KCNQ3: variants seen among roughly 807,000 people sequenced by gnomAD.
The protein encoded by KCNQ3 is potassium voltage-gated channel subfamily Q member 3, also known as potassium voltage-gated channel subfamily KQT member 3.
KCNQ3 carries 30 observed loss-of-function variants against 92.5 expected under a neutral mutation model. That is an observed-to-expected ratio of 0.32 (90% confidence interval 0.24 to 0.44). The LOEUF (loss-of-function observed/expected upper bound fraction) is 0.44. Among genes scored for constraint, KCNQ3 ranks in the 20% least tolerant of loss-of-function variants. The pLI, the probability that KCNQ3 is intolerant of heterozygous loss-of-function variation, is 1.00. For missense variants in KCNQ3, 913 were observed against 1,140.3 expected, an observed-to-expected ratio of 0.80 and a Z score of 2.87; for synonymous variants, 450 against 468.8, an observed-to-expected ratio of 0.96 and a Z score of 0.52.
chr8:132,301,691 C>T (rs1345093770), intron 1 of KCNQ3, among the ~76,000 whole-genome samples: 1 of 151,888 alleles, frequency 6.6e-6, no homozygotes, highest in Non-Finnish European at 1.5e-5. Context: ...CAGATTCTGC[C>T]CTGAGAATTG....
intron 8 of KCNQ3, 63 bp from the exon 9 acceptor site, chr8:132,163,557 C>T (rs1014424412): frequency 1.8e-5 from 24 of 1,311,944 alleles, no homozygotes; most frequent in African/African-American, 1.6e-4. Context: ...TATCCTTCCT[C>T]GAAAGATTGC....
chr8:132,251,963 T>A (rs1815425757), intron 1 of KCNQ3, among the ~76,000 whole-genome samples: 1 of 152,244 alleles, frequency 6.6e-6, no homozygotes, highest in African/African-American at 2.4e-5. Context: ...TAGTCCTTTC[T>A]CATCTTCTGG....
chr8:132,136,770 G>A (rs1283315908), intron 12 of KCNQ3, among the ~76,000 whole-genome samples: 1 of 151,492 alleles, frequency 6.6e-6, no homozygotes, highest in African/African-American at 2.4e-5. Flanking sequence ...ATGTATTATT[G>A]GTAATTATAT....
chr8:132,273,773 A>G (rs1816238764), intron 1 of KCNQ3, among the ~76,000 whole-genome samples: 1 of 152,168 alleles, frequency 6.6e-6, no homozygotes, highest in Non-Finnish European at 1.5e-5. Context: ...TACTCTAAAT[A>G]AACTCTCTCA....
intron 9 of KCNQ3, among the ~76,000 whole-genome samples, chr8:132,143,119 C>T (rs756488498): frequency 4.6e-5 from 7 of 152,192 alleles, no homozygotes; most frequent in Non-Finnish European, 1.0e-4. Context: ...GATCTGTTCT[C>T]TCTCACCCAG....
chr8:132,316,072 TGA>T (rs1448737749), intron 1 of KCNQ3, among the ~76,000 whole-genome samples: 3 of 152,204 alleles, frequency 2.0e-5, no homozygotes, highest in Non-Finnish European at 4.4e-5. Context: ...TTTTAACGTG[TGA>T]GTTACTGTTG....
chr8:132,219,110 T>C (rs1814134357), intron 1 of KCNQ3, among the ~76,000 whole-genome samples: 1 of 152,162 alleles, frequency 6.6e-6, no homozygotes, highest in South Asian at 2.1e-4. Flanking sequence ...TACCGGCAAA[T>C]GGAGCATCTC....
At chr8:132,186,489 T>A in intron 1 of KCNQ3, 2 of 382,446 alleles carry the variant, frequency 5.2e-6, no homozygotes, top group Non-Finnish European at 5.1e-6. Context: ...AGGACATTGC[T>A]GAAAGTCCAA....
chr8:132,237,359 TA>T (rs1814850740), intron 1 of KCNQ3, among the ~76,000 whole-genome samples: 1 of 152,208 alleles, frequency 6.6e-6, no homozygotes, highest in Admixed American at 6.5e-5. Flanking sequence ...GCTGTGCATA[TA>T]ATATGTCAGT....
intron 1 of KCNQ3, among the ~76,000 whole-genome samples, chr8:132,479,438 CG>C (rs1380664010): frequency 3.9e-5 from 6 of 152,106 alleles, no homozygotes; most frequent in Non-Finnish European, 8.8e-5. Context: ...AAAGAGTCCC[CG>C]GCCCCCTCAC....
At chr8:132,471,977 G>A (rs1352122951) in intron 1 of KCNQ3, among the ~76,000 whole-genome samples, 2 of 152,024 alleles carry the variant, frequency 1.3e-5, no homozygotes, top group Non-Finnish European at 2.9e-5. Context: ...CTTAAAAGAA[G>A]ACATATATAT....
At chr8:132,296,514 T>C (rs1410829936) in intron 1 of KCNQ3, among the ~76,000 whole-genome samples, 2 of 152,146 alleles carry the variant, frequency 1.3e-5, no homozygotes, top group African/African-American at 4.8e-5. Context: ...GCGTTAGGTA[T>C]ATCTCCTAAT....
intron 1 of KCNQ3, among the ~76,000 whole-genome samples, chr8:132,247,044 GTCTC>G (rs964876265): frequency 5.4e-4 from 83 of 152,306 alleles, no homozygotes; most frequent in African/African-American, 1.8e-3. Context: ...ACACCTGATA[GTCTC>G]TCTATCAAAG....
chr8:132,189,352 A>T (rs1348336787), intron 1 of KCNQ3, among the ~76,000 whole-genome samples: 1 of 152,196 alleles, frequency 6.6e-6, no homozygotes, highest in African/African-American at 2.4e-5. Context: ...ACAACCCGTT[A>T]TCATCTTGTA....
chr8:132,388,637 G>T (rs3957207), intron 1 of KCNQ3, among the ~76,000 whole-genome samples: 4,244 of 152,174 alleles, frequency 0.028, 77 homozygotes, highest in Non-Finnish European at 0.045. Context: ...AGGGGTTAAA[G>T]TTTCATTCAT....
chr8:132,167,278 G>A (rs189931140), intron 8 of KCNQ3, among the ~76,000 whole-genome samples: 7 of 152,182 alleles, frequency 4.6e-5, no homozygotes, highest in South Asian at 2.1e-4. Flanking sequence ...AGGAGAAGAC[G>A]GAACCAGGAG....
At chr8:132,144,138 G>A (rs1022974108) in intron 9 of KCNQ3, among the ~76,000 whole-genome samples, 16 of 152,148 alleles carry the variant, frequency 1.1e-4, no homozygotes, top group African/African-American at 3.4e-4. Context: ...AACCTCAAAC[G>A]GTCTGGATTG....
chr8:132,243,715 T>C (rs770709986), intron 1 of KCNQ3, among the ~76,000 whole-genome samples: 1 of 152,156 alleles, frequency 6.6e-6, no homozygotes, highest in Non-Finnish European at 1.5e-5. Context: ...CAACCTCAAT[T>C]TTGTAGCAAG....
At chr8:132,193,421 G>T (rs965988116) in intron 1 of KCNQ3, among the ~76,000 whole-genome samples, 3 of 152,224 alleles carry the variant, frequency 2.0e-5, no homozygotes, top group Non-Finnish European at 4.4e-5. Context: ...AGGAACCAGT[G>T]CGAGCTGTCC....
Sources: gnomAD v4.1 joint callset for allele counts (sites outside exome capture counted in the v4.1 genomes callset) on GRCh38, gnomAD v4.1.1 for gene constraint, MANE v1.5 for transcripts, NCBI Gene and HGNC (gene_info 2026-07-23, HGNC 2026-07-21) for gene names.